Variants in MAGI2 observed in about 807,000 individuals in gnomAD.
The protein encoded by MAGI2 is membrane-associated guanylate kinase, WW and PDZ domain-containing protein 2.
Under a neutral mutation model 133.3 loss-of-function variants are expected in MAGI2, and 35 were observed. The ratio of observed to expected loss-of-function variants is 0.26; its 90% CI spans 0.20 to 0.35. The LOEUF is 0.35. Among genes scored for constraint, MAGI2 ranks in the 10% least tolerant of loss-of-function variants. The pLI, the probability that MAGI2 is intolerant of heterozygous loss-of-function variation, is 1.00. For synonymous variants in MAGI2, 729 were observed against 710.6 expected (o/e 1.03, Z -0.41); for missense variants, 1,636 against 1,863.4 (o/e 0.88, Z 2.25).
intron 9 of MAGI2, among the ~76,000 whole-genome samples, chr7:78,284,455 T>C (rs201230675): frequency 2.5e-4 from 37 of 147,572 alleles, no homozygotes; most frequent in South Asian, 4.4e-4. Context: ...CTTTTCTTTT[T>C]TTTTTTTTTT....
intron 9 of MAGI2, among the ~76,000 whole-genome samples, chr7:78,288,527 G>A (rs1469448101): frequency 6.6e-6 from 1 of 152,188 alleles, no homozygotes; most frequent in Non-Finnish European, 1.5e-5. Context: ...AACAGCTCCA[G>A]TCTATAGCCC....
At chr7:78,280,113 G>A (rs952695381) in intron 9 of MAGI2, among the ~76,000 whole-genome samples, 1 of 152,146 alleles carries the variant, frequency 6.6e-6, no homozygotes, top group Admixed American at 6.6e-5. Context: ...CTTTGAGATA[G>A]AGCAAGGTAA....
chr7:78,481,208 C>T (rs1584331695), intron 6 of MAGI2, among the ~76,000 whole-genome samples: 1 of 151,896 alleles, frequency 6.6e-6, no homozygotes, highest in South Asian at 2.1e-4. Context: ...TAAAGAAAAG[C>T]AGTTTAATTG....
intron 2 of MAGI2, among the ~76,000 whole-genome samples, chr7:78,789,777 G>A (rs1200196577): frequency 5.3e-5 from 8 of 152,208 alleles, no homozygotes; most frequent in Non-Finnish European, 1.0e-4. Context: ...GTGCTATCAC[G>A]TACTACATCT....
rs769586457 is a variant in MAGI2, at chr7:78,160,221, G to A, written c.2649C>T (p.His883=). 3 of 1,611,322 alleles carry A rather than the reference G, an allele frequency of 1.9e-6. No homozygotes were observed. Among genetic ancestry groups the A allele is most frequent in the Non-Finnish European group, 2.5e-6 (3 of 1,178,546 alleles). ...TTGCGTAGTCACTGCGTGGAGAGCTGTGGTGGGTGGATACAGAGCCTGGAC... is the reference window on the plus strand; with the variant it reads ...TTGCGTAGTCACTGCGTGGAGAGCTATGGTGGGTGGATACAGAGCCTGGAC... ...GRSPGSVSTH[H]SSPRSDYATY... is the part of the protein sequence containing the mutation. Residue 883 remains histidine (H), a synonymous_variant, in exon 16 of 22, where the codon CAC becomes CAT. Transcript: ENST00000354212.
Position 78,072,756 on chromosome 7 carries a change from T to C in MAGI2, c.3706+6191A>G, listed in dbSNP as rs1235472209. The C allele has an allele frequency of 1.3e-5, 5 of 396,304 alleles. No homozygotes were observed. The Admixed American group carries it at 1.3e-4, about 10-fold the overall frequency. 24.5% of individuals were successfully genotyped at this position (396,304 alleles called of 1,614,324 possible). A position where few individuals can be genotyped will look rare whatever the true frequency, so the allele number is the denominator to read the frequency against. Reference sequence around the variant, plus strand: ...TGTGCAGTGGCACGATCATGGCTCATTGCATTCTCAACTTCCTGTGCTTAA... The same window carrying C: ...TGTGCAGTGGCACGATCATGGCTCACTGCATTCTCAACTTCCTGTGCTTAA... On this transcript the variant is annotated intron_variant, in intron 21 of 21. Coordinates refer to ENST00000354212, the MANE Select transcript of MAGI2 (RefSeq NM_012301.4).
At chr7:78,211,679 T>C (rs1787781538) in intron 10 of MAGI2, among the ~76,000 whole-genome samples, 1 of 152,264 alleles carries the variant, frequency 6.6e-6, no homozygotes, top group African/African-American at 2.4e-5. Context: ...GTTTGTTCAT[T>C]TAATGCTTTT....
chr7:79,399,669 AACTCT>A, intron 1 of MAGI2, among the ~76,000 whole-genome samples: 1 of 152,202 alleles, frequency 6.6e-6, no homozygotes, highest in African/African-American at 2.4e-5. Flanking sequence ...CTAGTTTAAG[AACTCT>A]GAATTATTTA....
At chr7:79,092,791 C>T (rs1463433899) in intron 1 of MAGI2, among the ~76,000 whole-genome samples, 2 of 152,132 alleles carry the variant, frequency 1.3e-5, no homozygotes, top group African/African-American at 4.8e-5. Context: ...TATACCCAGC[C>T]TTATTTTTAT....
At chr7:78,953,971 T>C (rs1364838052) in intron 2 of MAGI2, among the ~76,000 whole-genome samples, 1 of 152,148 alleles carries the variant, frequency 6.6e-6, no homozygotes, top group African/African-American at 2.4e-5. Flanking sequence ...GATCTAAAAT[T>C]TTCATTTGAA....
In MAGI2 at chr7:78,586,412, C is replaced by G. The variant is rs187605314; in HGVS notation, c.538+40708G>C. ...GAATTTATTTGATCCTTTCAAATAA[C>G]TGTGATTCTCTCCCTATGATTAACA... On this transcript the variant is annotated intron_variant, in intron 3 of 21. Transcript: ENST00000354212. 4.1e-3 allele frequency among the ~76,000 whole-genome samples: 613 copies of G among 150,738 alleles called. 2 individuals are homozygous for G. The highest frequency in any genetic ancestry group is 7.3e-3 in the Non-Finnish European group (494 of 67,768).
At chr7:78,556,986 G>T (rs528976960) in intron 3 of MAGI2, among the ~76,000 whole-genome samples, 5 of 150,510 alleles carry the variant, frequency 3.3e-5, no homozygotes, top group African/African-American at 1.2e-4. Flanking sequence ...AGCTACTCAG[G>T]AGGCTGAGGC....
chr7:78,603,040 T>TA (rs1805378305), intron 3 of MAGI2, among the ~76,000 whole-genome samples: 1 of 152,094 alleles, frequency 6.6e-6, no homozygotes, highest in Non-Finnish European at 1.5e-5. Flanking sequence ...CCTTACACAA[T>TA]AAAAAAGCAA....
intron 2 of MAGI2, among the ~76,000 whole-genome samples, chr7:78,628,895 G>T (rs977971612): frequency 6.6e-6 from 1 of 150,862 alleles, no homozygotes; most frequent in South Asian, 2.1e-4. Flanking sequence ...CAATCAATTT[G>T]TTTTTCTGTT....
chr7:78,999,042 C>T (rs1449267175), intron 2 of MAGI2, among the ~76,000 whole-genome samples: 2 of 152,078 alleles, frequency 1.3e-5, no homozygotes, highest in African/African-American at 2.4e-5. Context: ...ACTCTCTCCC[C>T]ATTTATTCCT....
intron 2 of MAGI2, among the ~76,000 whole-genome samples, chr7:78,688,682 A>G (rs2151115425): frequency 6.6e-6 from 1 of 152,322 alleles, no homozygotes; most frequent in East Asian, 1.9e-4. Flanking sequence ...CATGAACAAT[A>G]AGCACTGGCT....
intron 2 of MAGI2, among the ~76,000 whole-genome samples, chr7:78,664,067 G>C (rs1353831350): frequency 1.3e-5 from 2 of 152,146 alleles, no homozygotes. Flanking sequence ...AGCAACTGGA[G>C]AACAAAATAT....
intron 19 of MAGI2, among the ~76,000 whole-genome samples, chr7:78,126,483 T>C (rs952434964): frequency 2.6e-5 from 4 of 152,218 alleles, no homozygotes; most frequent in Non-Finnish European, 5.9e-5. Flanking sequence ...TCTTGGTATG[T>C]AGTTACGAAG....
At chr7:79,172,449 A>G (rs1457176092) in intron 1 of MAGI2, among the ~76,000 whole-genome samples, 3 of 152,080 alleles carry the variant, frequency 2.0e-5, no homozygotes, top group Non-Finnish European at 1.5e-5. Flanking sequence ...TCTTGCCATT[A>G]TAAGAATGTG....
Sources: gnomAD v4.1 joint callset for allele counts (sites outside exome capture counted in the v4.1 genomes callset) on GRCh38, gnomAD v4.1.1 for gene constraint, MANE v1.5 for transcripts, NCBI Gene and HGNC (gene_info 2026-07-23, HGNC 2026-07-21) for gene names.